XPO7: variants seen among roughly 807,000 people sequenced by gnomAD.
XPO7 encodes exportin 7, also known as exportin-7.
In XPO7, 21 loss-of-function variants were observed where a neutral mutation model predicts 144.3. The ratio of observed to expected loss-of-function variants is 0.15; its 90% CI spans 0.10 to 0.21. The LOEUF (loss-of-function observed/expected upper bound fraction) is 0.21, where lower values mean the gene tolerates loss of function less well. XPO7 is among the 10% of genes least tolerant of loss of function. The probability of loss-of-function intolerance (pLI) is 1.00; values close to 1 mark genes in which losing one functional copy is unlikely to be tolerated. For synonymous variants in XPO7, 580 were observed against 499.6 expected (o/e 1.16, Z -2.15); for missense variants, 808 against 1,325.8 (o/e 0.61, Z 6.06).
intron 1 of XPO7, among the ~76,000 whole-genome samples, chr8:21,950,968 A>G (rs976806555): frequency 1.4e-5 from 2 of 143,906 alleles, no homozygotes; most frequent in African/African-American, 2.6e-5. Flanking sequence ...CAAAAAATAC[A>G]AAAAAAAAAA....
At chr8:21,998,371 G>A (rs1813023582) in intron 21 of XPO7, among the ~76,000 whole-genome samples, 1 of 152,188 alleles carries the variant, frequency 6.6e-6, no homozygotes, top group African/African-American at 2.4e-5. Flanking sequence ...AACCCGAGAG[G>A]CAGAGGTTGC....
chr8:21,932,013 A>T (rs1204391581), intron 1 of XPO7, among the ~76,000 whole-genome samples: 2 of 152,052 alleles, frequency 1.3e-5, no homozygotes, highest in Non-Finnish European at 2.9e-5. Flanking sequence ...AGTTGAGATT[A>T]CAAGCACCCA....
chr8:22,001,774 G>A (rs1813156032), intron 24 of XPO7, among the ~76,000 whole-genome samples: 1 of 152,206 alleles, frequency 6.6e-6, no homozygotes, highest in Non-Finnish European at 1.5e-5. Context: ...GGATAAATTA[G>A]AGATAACACC....
At position 21,934,617 on chromosome 8, in the gene XPO7, G is replaced by A. The variant is rs138764324; in HGVS notation, c.18+14829G>A. 2.6e-5 allele frequency among the ~76,000 whole-genome samples: 4 copies of A among 152,298 alleles called. No homozygotes were observed. The East Asian group carries it at 7.7e-4, about 29-fold the overall frequency. ...GTATTCACTGAAAGAAGGGGACAGT[G>A]TACCAGACAAAAAGAAATGACATGT... On this transcript the variant is annotated intron_variant, in intron 1 of 27. Coordinates refer to ENST00000252512, the MANE Select transcript of XPO7 (RefSeq NM_015024.5).
In XPO7 at chr8:21,998,510, CT is replaced by C. The variant is rs961838873; in HGVS notation, c.2346-236del. Among the ~76,000 whole-genome samples, 8 of 151,516 alleles carry C rather than the reference CT, an allele frequency of 5.3e-5. No homozygotes were observed. In the South Asian group the frequency reaches 1.0e-3, roughly 20 times the overall value. ...CAAATAGTAATTTTATCTACTGCTG[CT>C]TTTTTTTTCTTATAAATGTTTTTAA... On this transcript the variant is annotated intron_variant, in intron 21 of 27. Coordinates refer to ENST00000252512, the MANE Select transcript of XPO7 (RefSeq NM_015024.5).
chr8:21,979,534 A>C (rs1260705013), intron 8 of XPO7, among the ~76,000 whole-genome samples: 1 of 151,152 alleles, frequency 6.6e-6, no homozygotes, highest in East Asian at 2.0e-4. Context: ...CAGCCTCCCA[A>C]GTACCTGGGA....
intron 15 of XPO7, among the ~76,000 whole-genome samples, 190 bp downstream of exon 15, chr8:21,988,047 G>T (rs1231571510): frequency 6.6e-6 from 1 of 152,190 alleles, no homozygotes; most frequent in African/African-American, 2.4e-5. Flanking sequence ...TTCCAGGCTT[G>T]TACAGGCAAG....
At chr8:21,989,208 C>G in intron 16 of XPO7, 125 bp downstream of exon 16, 1 of 914,788 alleles carries the variant, frequency 1.1e-6, no homozygotes. Flanking sequence ...CTTCCATTTT[C>G]CTAGGAGTCC....
intron 1 of XPO7, among the ~76,000 whole-genome samples, chr8:21,959,346 C>T (rs1042253152): frequency 9.9e-5 from 15 of 152,204 alleles, no homozygotes; most frequent in African/African-American, 3.6e-4. Flanking sequence ...TAGCAGTGTA[C>T]ACACATTACT....
chr8:21,975,786 T>C (rs1374908736), intron 6 of XPO7, among the ~76,000 whole-genome samples: 3 of 152,234 alleles, frequency 2.0e-5, no homozygotes, highest in South Asian at 4.1e-4. Flanking sequence ...GAGGCTCAGC[T>C]GGTATAACCT....
At chr8:21,946,640 ATTTTT>A (rs61593432) in intron 1 of XPO7, among the ~76,000 whole-genome samples, 1 of 122,668 alleles carries the variant, frequency 8.2e-6, no homozygotes, top group Admixed American at 8.8e-5. Flanking sequence ...GCAAAACAGG[ATTTTT>A]TTTTTTTTTT....
At position 21,995,940 on chromosome 8, in the gene XPO7, G is replaced by A. The variant is rs138420292; in HGVS notation, c.2345+341G>A. On this transcript the variant is annotated intron_variant, in intron 21 of 27. Coordinates refer to ENST00000252512, the MANE Select transcript of XPO7 (RefSeq NM_015024.5). ...ACGCCATTCCCCTGCCTCAGCCTCC[G>A]GAGTAGCTGGGACTACAGGCACCCG... 3.4e-3 allele frequency among the ~76,000 whole-genome samples: 516 copies of A among 151,882 alleles called. 4 individuals carry two copies. Among genetic ancestry groups the A allele is most frequent in the African/African-American group, 0.012 (482 of 41,428 alleles).
chr8:21,979,065 T>C (rs1472564334), intron 8 of XPO7, among the ~76,000 whole-genome samples: 1 of 152,212 alleles, frequency 6.6e-6, no homozygotes, highest in East Asian at 1.9e-4. Flanking sequence ...AGCTGGGTTG[T>C]GTTTTTTTGT....
intron 25 of XPO7, 147 bp from the exon 26 acceptor site, chr8:22,003,072 C>G (rs1268746897): frequency 2.2e-5 from 11 of 490,602 alleles, no homozygotes; most frequent in Admixed American, 4.0e-5. Context: ...ATAGAAGACT[C>G]AGATGAAGCT....
At chr8:21,960,878 T>A (rs1811705266) in intron 1 of XPO7, among the ~76,000 whole-genome samples, 1 of 152,188 alleles carries the variant, frequency 6.6e-6, no homozygotes, top group African/African-American at 2.4e-5. Context: ...TCCATTAGTA[T>A]TAAAAAGTAA....
intron 1 of XPO7, among the ~76,000 whole-genome samples, chr8:21,932,520 G>T (rs950591906): frequency 6.6e-6 from 1 of 152,112 alleles, no homozygotes; most frequent in African/African-American, 2.4e-5. Flanking sequence ...TTAATGTTCT[G>T]TTTCGAGTTT....
intron 3 of XPO7, chr8:21,969,888 G>A: frequency 1.8e-6 from 1 of 542,558 alleles, no homozygotes; most frequent in Non-Finnish European, 3.2e-6. Flanking sequence ...ACGTTCTTTA[G>A]CTACCTAGGG....
At chr8:21,943,128 C>G (rs1057156586) in intron 1 of XPO7, among the ~76,000 whole-genome samples, 1 of 152,096 alleles carries the variant, frequency 6.6e-6, no homozygotes, top group African/African-American at 2.4e-5. Flanking sequence ...TTCAGTAACC[C>G]CCAGGAGCCC....
Position 21,987,248 on chromosome 8 carries a change from T to C in XPO7, c.1685T>C (p.Ile562Thr), listed in dbSNP as rs1297757856. The stretch of plus-strand genomic sequence containing the variant: ...TTTGAACAGTTTCGTAAGATCTACA[T>C]TGGGGACCAAGTGCAGAAATCCTCT... ...SFFEQFRKIY[I>T]GDQVQKSSKL... Residue 562 changes from isoleucine to threonine, a missense_variant, in exon 14 of 28, where the codon ATT becomes ACT. By Grantham distance (89) the Ile-to-Thr change is moderately conservative (BLOSUM62 -1). This residue lies in a region of XPO7 where 416 missense variants were observed against 612.5 expected (regional missense o/e 0.68). Transcript: ENST00000252512. The C allele has an allele frequency of 1.2e-5, 19 of 1,613,728 alleles. No homozygotes were observed. Among genetic ancestry groups the C allele is most frequent in the East Asian group, 2.2e-5 (1 of 44,876 alleles).
Sources: gnomAD v4.1 joint callset for allele counts (sites outside exome capture counted in the v4.1 genomes callset) on GRCh38, gnomAD v4.1.1 for gene constraint, gnomAD v4.1.1 regional missense constraint, MANE v1.5 for transcripts, NCBI Gene and HGNC (gene_info 2026-07-23, HGNC 2026-07-21) for gene names.